COTL1: variants seen among roughly 807,000 people sequenced by gnomAD.
The protein encoded by COTL1 is coactosin like F-actin binding protein 1.
Under a neutral mutation model 16.5 loss-of-function variants are expected in COTL1, and 15 were observed. The observed-to-expected ratio is 0.91, with a 90% CI of 0.61 to 1.40. COTL1 has a LOEUF of 1.40. COTL1 is among the 40% of genes most tolerant of loss of function. The pLI, the probability that COTL1 is intolerant of heterozygous loss-of-function variation, is 0.00. For synonymous variants in COTL1, 112 were observed against 85.3 expected, an observed-to-expected ratio of 1.31 and a Z score of -1.73; for missense variants, 220 against 201.5, an observed-to-expected ratio of 1.09 and a Z score of -0.56.
At chr16:84,617,418 C>T (rs1905519164) in intron 2 of COTL1, 83 bp downstream of exon 2, 1 of 1,356,642 alleles carries the variant, frequency 7.4e-7, no homozygotes, top group South Asian at 1.3e-5. Context: ...CCGGTTCCTC[C>T]CGGGTTCGCT....
intron 2 of COTL1, among the ~76,000 whole-genome samples, chr16:84,602,411 TA>T (rs55955741): frequency 1.2e-3 from 166 of 144,000 alleles, no homozygotes; most frequent in Admixed American, 1.2e-3. Flanking sequence ...TTCTTTTAAT[TA>T]AAAAAAAAAA....
At chr16:84,608,931 A>G (rs1201133280) in intron 2 of COTL1, among the ~76,000 whole-genome samples, 1 of 152,146 alleles carries the variant, frequency 6.6e-6, no homozygotes, top group African/African-American at 2.4e-5. Flanking sequence ...TAAAAACCCA[A>G]CATTGTTTCT....
At chr16:84,613,163 C>A (rs1357609716) in intron 2 of COTL1, among the ~76,000 whole-genome samples, 1 of 152,014 alleles carries the variant, frequency 6.6e-6, no homozygotes, top group East Asian at 1.9e-4. Context: ...CCATGCCTGG[C>A]TAATTTTTGT....
chr16:84,614,820 C>G (rs373281259), intron 2 of COTL1, among the ~76,000 whole-genome samples: 51 of 152,276 alleles, frequency 3.3e-4, no homozygotes, highest in African/African-American at 1.2e-3. Flanking sequence ...CATTTGCAAC[C>G]TGCAAGCAAT....
At chr16:84,576,068 T>G (rs1300637717) in intron 3 of COTL1, 1 of 152,200 alleles carries the variant, frequency 6.6e-6, no homozygotes, top group East Asian at 1.9e-4. Context: ...TTCTCATTCC[T>G]AACGTTTATT....
At chr16:84,589,739 T>C (rs1164778369) in intron 3 of COTL1, among the ~76,000 whole-genome samples, 4 of 151,696 alleles carry the variant, frequency 2.6e-5, no homozygotes, top group African/African-American at 7.3e-5. Flanking sequence ...TCCCACGGGA[T>C]CCTTGCGACC....
intron 3 of COTL1, among the ~76,000 whole-genome samples, chr16:84,571,267 C>T (rs1463274307): frequency 5.9e-5 from 9 of 152,188 alleles, no homozygotes; most frequent in Admixed American, 3.9e-4. Flanking sequence ...ATGCAGCCCA[C>T]GCCAGTGCAA....
chr16:84,595,817 G>GTA (rs1364746341), intron 2 of COTL1: 2 of 152,044 alleles, frequency 1.3e-5, no homozygotes, highest in Non-Finnish European at 2.9e-5. Context: ...GTATATGTGT[G>GTA]TATATACATA....
rs541075966 is a variant in COTL1 at position 84,567,340 on chromosome 16, G to A, written c.319-385C>T. 25 of 178,808 alleles carry A rather than the reference G, an allele frequency of 1.4e-4. 2 individuals carry two copies. In the South Asian group the frequency reaches 2.8e-3, roughly 20 times the overall value. 11.1% of individuals were successfully genotyped at this position (178,808 alleles called of 1,614,324 possible). ...TCGTCAGGAAAATAATAGGTTACGA[G>A]GTTGGAAAGGCTCACGGGTGTGCAG... On this transcript the variant is annotated intron_variant, in intron 3 of 3. Coordinates refer to ENST00000262428, the MANE Select transcript of COTL1 (RefSeq NM_021149.5).
intron 2 of COTL1, among the ~76,000 whole-genome samples, chr16:84,593,546 C>T (rs1252680459): frequency 3.3e-5 from 5 of 150,764 alleles, no homozygotes; most frequent in Non-Finnish European, 7.4e-5. Flanking sequence ...GAGTCTCGCT[C>T]CGTCGCCCAG....
chr16:84,602,420 A>C (rs932909070), intron 2 of COTL1, among the ~76,000 whole-genome samples: 15 of 151,986 alleles, frequency 9.9e-5, no homozygotes, highest in Admixed American at 9.2e-4. Context: ...TTAAAAAAAA[A>C]AAAGAATAAA....
chr16:84,604,638 C>G (rs906457165), intron 2 of COTL1, among the ~76,000 whole-genome samples: 1 of 152,048 alleles, frequency 6.6e-6, no homozygotes. Flanking sequence ...CACACAGCAG[C>G]CAGGTTTGGC....
chr16:84,591,772 A>G (rs1180336580), intron 2 of COTL1, among the ~76,000 whole-genome samples: 1 of 150,068 alleles, frequency 6.7e-6, no homozygotes, highest in Non-Finnish European at 1.5e-5. Flanking sequence ...GCAGTTGAGT[A>G]GAGATTACGC....
At chr16:84,585,413 A>G (rs1280895274) in intron 3 of COTL1, among the ~76,000 whole-genome samples, 1 of 152,084 alleles carries the variant, frequency 6.6e-6, no homozygotes, top group Non-Finnish European at 1.5e-5. Flanking sequence ...ATGACCGTGC[A>G]ATTAATTTAC....
chr16:84,613,833 C>G (rs538147597), intron 2 of COTL1, among the ~76,000 whole-genome samples: 8 of 152,086 alleles, frequency 5.3e-5, no homozygotes, highest in African/African-American at 1.7e-4. Flanking sequence ...GCCCCGCCCC[C>G]CACCCACTCC....
chr16:84,608,642 A>T (rs889234138), intron 2 of COTL1, among the ~76,000 whole-genome samples: 1 of 152,230 alleles, frequency 6.6e-6, no homozygotes, highest in Non-Finnish European at 1.5e-5. Flanking sequence ...GGGGTGGCTC[A>T]CGCCTGTAAT....
chr16:84,589,024 G>A (rs1904799334), intron 3 of COTL1, among the ~76,000 whole-genome samples: 1 of 152,062 alleles, frequency 6.6e-6, no homozygotes, highest in Admixed American at 6.5e-5. Flanking sequence ...AGGCTGGAGT[G>A]CAGTGGTGCG....
chr16:84,573,196 G>A (rs543151665), intron 3 of COTL1, among the ~76,000 whole-genome samples: 6 of 152,304 alleles, frequency 3.9e-5, no homozygotes, highest in African/African-American at 7.2e-5. Flanking sequence ...AGGTACTGAC[G>A]AGGTCCTTTA....
intron 2 of COTL1, among the ~76,000 whole-genome samples, chr16:84,611,563 G>C (rs1905325792): frequency 1.3e-5 from 2 of 152,188 alleles, no homozygotes; most frequent in Non-Finnish European, 2.9e-5. Context: ...AGCTCCACGA[G>C]GACAGGCGCC....
Sources: gnomAD v4.1 joint callset for allele counts (sites outside exome capture counted in the v4.1 genomes callset) on GRCh38, gnomAD v4.1.1 for gene constraint, MANE v1.5 for transcripts, NCBI Gene and HGNC (gene_info 2026-07-23, HGNC 2026-07-21) for gene names.